Variants in CORO1C observed in about 807,000 individuals in gnomAD.
CORO1C encodes coronin-1C.
Under a neutral mutation model 51.2 loss-of-function variants are expected in CORO1C, and 14 were observed. The ratio of observed to expected loss-of-function variants is 0.27; its 90% CI spans 0.18 to 0.43. The LOEUF (loss-of-function observed/expected upper bound fraction) is 0.43, where lower values mean the gene tolerates loss of function less well. CORO1C is among the 20% of genes least tolerant of loss of function. The pLI is 1.00. For synonymous variants in CORO1C, 181 were observed against 210.5 expected (o/e 0.86, Z 1.21); for missense variants, 417 against 607.8 (o/e 0.69, Z 3.30).
chr12:108,673,115 T>A (rs575869489), intron 3 of CORO1C, among the ~76,000 whole-genome samples: 2 of 152,204 alleles, frequency 1.3e-5, no homozygotes, highest in African/African-American at 4.8e-5. Flanking sequence ...GGAAGCCATG[T>A]TGAAAGCTGA....
At chr12:108,664,835 A>C (rs1592865998) in intron 3 of CORO1C, among the ~76,000 whole-genome samples, 1 of 152,386 alleles carries the variant, frequency 6.6e-6, no homozygotes, top group Non-Finnish European at 1.5e-5. Flanking sequence ...TTTTGAACAG[A>C]ACAAACAGAA....
At chr12:108,659,524 T>C (rs1296326196) in intron 4 of CORO1C, among the ~76,000 whole-genome samples, 1 of 152,262 alleles carries the variant, frequency 6.6e-6, no homozygotes, top group Non-Finnish European at 1.5e-5. Flanking sequence ...CGAAAGATAT[T>C]TCTGTGCACA....
chr12:108,683,908 TAACACCTTG>T (rs1431513593), intron 2 of CORO1C, among the ~76,000 whole-genome samples: 1 of 152,120 alleles, frequency 6.6e-6, no homozygotes, highest in Non-Finnish European at 1.5e-5. Flanking sequence ...ATAAGGAATG[TAACACCTTG>T]ATACAAAGGA....
At chr12:108,659,046 G>C in intron 4 of CORO1C, 127 bp from the exon 5 acceptor site, 9 of 985,048 alleles carry the variant, frequency 9.1e-6, no homozygotes, top group African/African-American at 1.6e-5. Context: ...AAGAGAGAGA[G>C]AGAAAAGATG....
At chr12:108,726,589 T>A (rs1269807417) in intron 1 of CORO1C, among the ~76,000 whole-genome samples, 1 of 151,234 alleles carries the variant, frequency 6.6e-6, no homozygotes, top group Non-Finnish European at 1.5e-5. Flanking sequence ...GTAGGAGACT[T>A]GCTTGAGCCC....
intron 5 of CORO1C, 65 bp from the exon 6 acceptor site, chr12:108,657,488 C>G: frequency 5.7e-6 from 9 of 1,570,482 alleles, no homozygotes; most frequent in Non-Finnish European, 7.8e-6. Flanking sequence ...TGGAGAAACT[C>G]GGGCACAGAT....
At chr12:108,682,388 C>G (rs1436243335) in intron 2 of CORO1C, among the ~76,000 whole-genome samples, 1 of 152,044 alleles carries the variant, frequency 6.6e-6, no homozygotes. Flanking sequence ...AAAAAGTATA[C>G]CTGGTAGTTA....
At chr12:108,668,909 C>T (rs912875547) in intron 3 of CORO1C, among the ~76,000 whole-genome samples, 6 of 152,110 alleles carry the variant, frequency 3.9e-5, no homozygotes, top group African/African-American at 1.4e-4. Flanking sequence ...CTTAGGTAGC[C>T]ACAATCTTAA....
At chr12:108,656,613 GA>G (rs2033029678) in intron 6 of CORO1C, among the ~76,000 whole-genome samples, 2 of 152,352 alleles carry the variant, frequency 1.3e-5, no homozygotes, top group South Asian at 4.1e-4. Context: ...TAGAAAAGGG[GA>G]AAAGGTGGGG....
chr12:108,719,240 CA>C (rs2035416034), intron 1 of CORO1C, among the ~76,000 whole-genome samples: 1 of 152,148 alleles, frequency 6.6e-6, no homozygotes, highest in African/African-American at 2.4e-5. Flanking sequence ...AGAAGGCCAG[CA>C]AAAAGATCCA....
rs547348747 is a variant in CORO1C at position 108,729,583 on chromosome 12, A to G, written c.-6+1846T>C. ...CACTTCAAGACCTAAGGTACAACAC[A>G]ATTCTCAGTTTTATTTCACTTTTTT... On this transcript the variant is annotated intron_variant, in intron 1 of 10. Transcript: ENST00000261401. 2.0e-5 allele frequency among the ~76,000 whole-genome samples: 3 copies of G among 152,192 alleles called. No individual in the cohort carries two copies. The East Asian group carries it at 5.8e-4, about 29-fold the overall frequency.
chr12:108,659,036 AAGAG>A (rs984934660), intron 4 of CORO1C, 117 bp from the exon 5 acceptor site: 13 of 941,010 alleles, frequency 1.4e-5, no homozygotes, highest in East Asian at 8.5e-5. Context: ...GAGAGAGAGA[AAGAG>A]AGAGAGAGAA....
intron 3 of CORO1C, among the ~76,000 whole-genome samples, chr12:108,669,355 G>A (rs2033622503): frequency 6.6e-6 from 1 of 151,992 alleles, no homozygotes; most frequent in South Asian, 2.1e-4. Context: ...TCTATTAAAG[G>A]TACTCTTGCT....
At chr12:108,707,526 A>C (rs145652289) in intron 1 of CORO1C, among the ~76,000 whole-genome samples, 364 of 152,338 alleles carry the variant, frequency 2.4e-3, no homozygotes, top group African/African-American at 8.2e-3. Flanking sequence ...TAAAACTATA[A>C]AACTCTGAGA....
At chr12:108,671,346 G>A (rs575227415) in intron 3 of CORO1C, among the ~76,000 whole-genome samples, 2 of 151,752 alleles carry the variant, frequency 1.3e-5, no homozygotes, top group African/African-American at 4.8e-5. Context: ...GAAAAGGAGT[G>A]GGGGGAGGAA....
At chr12:108,710,533 T>C (rs2035149641) in intron 1 of CORO1C, among the ~76,000 whole-genome samples, 1 of 152,060 alleles carries the variant, frequency 6.6e-6, no homozygotes, top group Non-Finnish European at 1.5e-5. Context: ...ATACTTAACA[T>C]CTAAGGAAAC....
At position 108,717,362 on chromosome 12, in the gene CORO1C, T is replaced by C. The variant is rs1322128203; in HGVS notation, c.-6+14067A>G. Among the ~76,000 whole-genome samples the C allele has an allele frequency of 2.0e-5, 3 of 152,240 alleles. No individual in the cohort carries two copies. In the South Asian group the frequency reaches 6.2e-4, roughly 32 times the overall value. Reference sequence around the variant, plus strand: ...TCTAGGCCATGTTAAGGATTTTATCTGTACTTGCAGTCTTGGGAGCCATAG... The same window carrying C: ...TCTAGGCCATGTTAAGGATTTTATCCGTACTTGCAGTCTTGGGAGCCATAG... On this transcript the variant is annotated intron_variant, in intron 1 of 10. Coordinates refer to ENST00000261401, the MANE Select transcript of CORO1C (RefSeq NM_014325.4).
chr12:108,654,208 A>G, intron 7 of CORO1C, 98 bp downstream of exon 7: 1 of 811,652 alleles, frequency 1.2e-6, no homozygotes, highest in Non-Finnish European at 2.1e-6. Flanking sequence ...AATTAGAAAA[A>G]TTAAACAGAT....
intron 6 of CORO1C, among the ~76,000 whole-genome samples, chr12:108,656,911 C>A (rs537405765): frequency 2.0e-5 from 3 of 152,138 alleles, no homozygotes; most frequent in Admixed American, 6.5e-5. Context: ...ACAAACACTG[C>A]GGAAGGCCGC....
Sources: gnomAD v4.1 joint callset for allele counts (sites outside exome capture counted in the v4.1 genomes callset) on GRCh38, gnomAD v4.1.1 for gene constraint, MANE v1.5 for transcripts, NCBI Gene and HGNC (gene_info 2026-07-23, HGNC 2026-07-21) for gene names.